The following SLC4A5 variants were observed in gnomAD, a reference collection of about 807,000 sequenced individuals.
SLC4A5 encodes the protein solute carrier family 4 member 5, also known as electrogenic sodium bicarbonate cotransporter 4.
In SLC4A5, 96 loss-of-function variants were observed where a neutral mutation model predicts 120.4. The ratio of observed to expected loss-of-function variants is 0.80; its 90% CI spans 0.68 to 0.94. SLC4A5 has a LOEUF of 0.94. Among genes scored for constraint, SLC4A5 ranks in the 40% least tolerant of loss-of-function variants. SLC4A5 has a pLI of 0.00. For synonymous variants in SLC4A5, 550 were observed against 571.1 expected (o/e 0.96, Z 0.53); for missense variants, 1,259 against 1,459.5 (o/e 0.86, Z 2.24).
rs150612935 is a variant in SLC4A5 at position 74,225,594 on chromosome 2, T to G, written c.3091-599A>C. Among the ~76,000 whole-genome samples the G allele has an allele frequency of 4.6e-3, 708 of 152,278 alleles. 6 individuals are homozygous for G. The highest frequency in any genetic ancestry group is 0.015 in the African/African-American group (628 of 41,552). ...CTGGGCGACAGAGCAAGACTCCATC[T>G]CAAACAAATAAAATAAATACATAAA... On this transcript the variant is annotated intron_variant, in intron 27 of 30. Coordinates refer to ENST00000394019, the Ensembl canonical transcript of SLC4A5.
At chr2:74,336,281 C>T (rs777860008) in intron 3 of SLC4A5, among the ~76,000 whole-genome samples, 13 of 152,064 alleles carry the variant, frequency 8.5e-5, no homozygotes, top group Non-Finnish European at 1.9e-4. Context: ...GTTGCCCAGG[C>T]TGGTCTTGAA....
chr2:74,243,680 C>T (rs893310563), intron 19 of SLC4A5, among the ~76,000 whole-genome samples: 1 of 152,158 alleles, frequency 6.6e-6, no homozygotes, highest in Non-Finnish European at 1.5e-5. Flanking sequence ...TTTTCACTAC[C>T]CAATGTCTTC....
intron 7 of SLC4A5, among the ~76,000 whole-genome samples, chr2:74,297,874 A>G (rs1180981059): frequency 2.0e-5 from 3 of 152,306 alleles, no homozygotes; most frequent in Non-Finnish European, 2.9e-5. Context: ...TTTCCTACCT[A>G]TCTATTCCTT....
At chr2:74,330,833 G>GAGGGTGGT (rs1673342722) in intron 4 of SLC4A5, among the ~76,000 whole-genome samples, 1 of 142,280 alleles carries the variant, frequency 7.0e-6, no homozygotes, top group Non-Finnish European at 1.5e-5. Flanking sequence ...AGGTCTAGAT[G>GAGGGTGGT]GAGGTGTATG....
chr2:74,289,031 G>C (rs1398915521), intron 7 of SLC4A5, among the ~76,000 whole-genome samples: 1 of 152,090 alleles, frequency 6.6e-6, no homozygotes, highest in African/African-American at 2.4e-5. Flanking sequence ...CCACCATCTT[G>C]GTTCTGGCTC....
intron 11 of SLC4A5, among the ~76,000 whole-genome samples, chr2:74,261,245 A>G (rs1020143181): frequency 6.6e-6 from 1 of 152,214 alleles, no homozygotes; most frequent in African/African-American, 2.4e-5. Flanking sequence ...ATATACAATG[A>G]TAACTGAGTG....
intron 14 of SLC4A5, 36 bp from the exon 15 acceptor site, chr2:74,253,164 G>C (rs1670848233): frequency 4.3e-6 from 7 of 1,612,090 alleles, no homozygotes; most frequent in Middle Eastern, 1.7e-4. Flanking sequence ...AGAAAGATCG[G>C]GTCTGTTTCT....
At chr2:74,313,095 G>A (rs1672860010) in intron 6 of SLC4A5, among the ~76,000 whole-genome samples, 1 of 146,752 alleles carries the variant, frequency 6.8e-6, no homozygotes, top group Admixed American at 6.9e-5. Flanking sequence ...GTGTTGCCCA[G>A]GCTGGCCTCA....
chr2:74,255,637 CAGA>C lies in SLC4A5; in HGVS notation c.1025+135_1025+137del, dbSNP rs573061432. The C allele has an allele frequency of 2.8e-4, 286 of 1,006,580 alleles. 1 individual carries two copies. The African/African-American group carries it at 4.3e-3, about 15-fold the overall frequency. The allele number at this position is 1,006,580 out of a possible 1,614,324, so 62.4% of individuals were successfully genotyped here. On this transcript the variant is annotated intron_variant, in intron 13 of 30. Transcript: ENST00000394019. This position sits in a 1 kb window ranked among gnomAD's most constrained non-coding sequence, Gnocchi z 4.0. ...ATAAACTCTAAAACTCTTCCCTAGT[CAGA>C]AGATTTCCCTTCCCAGCAGCCTCCA...
In SLC4A5 at chr2:74,255,753, G is replaced by A; in HGVS notation, c.1025+22C>T. 2.5e-6 allele frequency: 4 copies of A among 1,613,282 alleles called. No homozygotes were observed. The highest frequency in any genetic ancestry group is 3.4e-6 in the Non-Finnish European group (4 of 1,179,324). On this transcript the variant is annotated intron_variant, in intron 13 of 30. Transcript: ENST00000394019. The surrounding 1 kb of genome is among the most constrained non-coding windows in gnomAD (Gnocchi z 4.0). ...ACTGGCTACCTGAGAGTGGCGTGGG[G>A]ACAGGTTTCAATGGCTCTCACCTGG...
intron 8 of SLC4A5, among the ~76,000 whole-genome samples, chr2:74,268,759 A>ATTC (rs1203246283): frequency 1.3e-5 from 2 of 152,204 alleles, no homozygotes; most frequent in African/African-American, 2.4e-5. Context: ...TGGTATTTTC[A>ATTC]TTCTTTTTCA....
intron 12 of SLC4A5, among the ~76,000 whole-genome samples, chr2:74,258,021 GC>G (rs1671023981): frequency 1.3e-5 from 2 of 152,202 alleles, no homozygotes; most frequent in South Asian, 4.1e-4. Flanking sequence ...ACCAACCCTG[GC>G]TTGCCCAAAG....
At chr2:74,244,260 C>A (rs1670536044) in intron 19 of SLC4A5, among the ~76,000 whole-genome samples, 1 of 152,190 alleles carries the variant, frequency 6.6e-6, no homozygotes, top group South Asian at 2.1e-4. Context: ...CCCATTATTA[C>A]TAACAGTTCA....
intron 26 of SLC4A5, 43 bp downstream of exon 26, chr2:74,227,767 T>C (rs1318083565): frequency 6.6e-7 from 1 of 1,522,762 alleles, no homozygotes; most frequent in East Asian, 2.3e-5. Context: ...AGACATGGAA[T>C]GTTGACTCCA....
chr2:74,316,047 T>C (rs1428778216), intron 5 of SLC4A5, among the ~76,000 whole-genome samples: 1 of 151,990 alleles, frequency 6.6e-6, no homozygotes, highest in African/African-American at 2.4e-5. Flanking sequence ...ATTATTCCCA[T>C]TTTACAAATG....
At chr2:74,300,952 C>T (rs13423902) in intron 7 of SLC4A5, among the ~76,000 whole-genome samples, 5,837 of 152,226 alleles carry the variant, frequency 0.038, 386 homozygotes, top group African/African-American at 0.13. Context: ...GTTCTGTAAG[C>T]TAAATGTGGT....
At chr2:74,223,426 G>A (rs930823867) in intron 28 of SLC4A5, among the ~76,000 whole-genome samples, 2 of 152,198 alleles carry the variant, frequency 1.3e-5, no homozygotes, top group East Asian at 3.8e-4. Context: ...GAAGGGGAAT[G>A]GGCACAGTTA....
In SLC4A5 at chr2:74,252,306, C is replaced by A; in HGVS notation, c.1351G>T (p.Gly451Ter). The A allele has an allele frequency of 6.2e-7, 1 of 1,613,152 alleles. No individual in the cohort carries two copies. Among genetic ancestry groups the A allele is most frequent in the Non-Finnish European group, 8.5e-7 (1 of 1,180,002 alleles). The change falls in exon 16 of 31, where the codon GGA becomes TGA. Residue 451 changes from glycine to a stop codon, truncating the protein, a stop_gained. Coordinates refer to ENST00000394019, the Ensembl canonical transcript of SLC4A5. LOFTEE classifies it high-confidence loss of function. ...CCACTGCCACCACCACCACCACCTC[C>A]ATTGCCTCCTCCAGGAGCTCCGCCG...
intron 3 of SLC4A5, among the ~76,000 whole-genome samples, chr2:74,337,930 C>T (rs7592599): frequency 0.12 from 19,015 of 152,122 alleles, 1,581 homozygotes; most frequent in East Asian, 0.47. Context: ...AACTAGGTAT[C>T]GTGAAACAGA....
Sources: allele counts gnomAD v4.1 joint callset (sites outside exome capture counted in the v4.1 genomes callset), GRCh38; gene constraint gnomAD v4.1.1; non-coding constraint Gnocchi (gnomAD v3.1); transcripts MANE v1.5; gene names NCBI Gene and HGNC (gene_info 2026-07-23, HGNC 2026-07-21).